The following FRMD4B variants were observed in gnomAD, a reference collection of about 807,000 sequenced individuals.
The protein encoded by FRMD4B is FERM domain containing 4B.
In FRMD4B, 74 loss-of-function variants were observed where a neutral mutation model predicts 141.5. The ratio of observed to expected loss-of-function variants is 0.52; its 90% confidence interval spans 0.43 to 0.63. FRMD4B has a LOEUF of 0.63. FRMD4B is among the 30% of genes least tolerant of loss of function. The pLI, the probability that FRMD4B is intolerant of heterozygous loss-of-function variation, is 0.00. For synonymous variants in FRMD4B, 506 were observed against 467.9 expected (o/e 1.08, Z -1.05); for missense variants, 1,366 against 1,253.4 (o/e 1.09, Z -1.36).
Position 69,182,589 on chromosome 3 carries a change from C to T in FRMD4B, c.2039+9G>A, listed in dbSNP as rs541936278. 3.1e-5 allele frequency: 49 copies of T among 1,592,610 alleles called. No homozygotes were observed. The highest frequency in any genetic ancestry group is 3.8e-5 in the Non-Finnish European group (45 of 1,173,258). ...GACAGCTAAAGCAATGAGAAAGAAGCTCTCTTACTCCAAGTGGCTGCTGCT... is the reference window on the plus strand; with the variant it reads ...GACAGCTAAAGCAATGAGAAAGAAGTTCTCTTACTCCAAGTGGCTGCTGCT... On this transcript the variant is annotated intron_variant, in intron 20 of 22. Transcript: ENST00000398540.
intron 1 of FRMD4B, among the ~76,000 whole-genome samples, chr3:69,346,499 C>T (rs537162151): frequency 4.6e-5 from 7 of 152,110 alleles, no homozygotes; most frequent in African/African-American, 1.4e-4. Flanking sequence ...AGATACTCCT[C>T]GAGAAGAGCA....
chr3:69,532,853 C>T (rs17006073), intron 1 of FRMD4B, among the ~76,000 whole-genome samples: 2,839 of 152,330 alleles, frequency 0.019, 99 homozygotes, highest in African/African-American at 0.064. Context: ...CTGACACTGT[C>T]GGCTGTTATA....
chr3:69,181,651 T>C lies in FRMD4B; in HGVS notation c.2099A>G (p.His700Arg). ...QRSGSLESQSHLLSEMDSDKP... is the reference protein window; with the variant it reads ...QRSGSLESQSRLLSEMDSDKP... ...ATCGCTGTCCATCTCGGAGAGCAGG[T>C]GGGACTGGGACTCCAGGCTTCCACT... is the stretch of plus-strand genomic sequence containing the variant. Residue 700 changes from histidine to arginine, a missense_variant, in exon 21 of 23, where the codon CAC becomes CGC. Coordinates refer to ENST00000398540, the MANE Select transcript of FRMD4B (RefSeq NM_015123.3). 1 of 1,613,588 alleles carries C rather than the reference T, an allele frequency of 6.2e-7. No individual in the cohort carries two copies. The highest frequency in any genetic ancestry group is 1.3e-5 in the African/African-American group (1 of 75,022).
intron 1 of FRMD4B, among the ~76,000 whole-genome samples, chr3:69,514,892 C>T (rs1192903069): frequency 1.3e-5 from 2 of 151,970 alleles, no homozygotes; most frequent in African/African-American, 2.4e-5. Flanking sequence ...TCTCAAGGGA[C>T]ACTGAATAGC....
At chr3:69,450,459 A>C (rs1253580104) in intron 1 of FRMD4B, among the ~76,000 whole-genome samples, 2 of 152,102 alleles carry the variant, frequency 1.3e-5, no homozygotes, top group Admixed American at 1.3e-4. Flanking sequence ...TGTCTCAAAA[A>C]AAAACAAAAT....
intron 7 of FRMD4B, among the ~76,000 whole-genome samples, chr3:69,241,873 A>C (rs1386489101): frequency 1.1e-5 from 1 of 88,060 alleles, no homozygotes; most frequent in Non-Finnish European, 2.4e-5. Context: ...CATCTCAAAA[A>C]AACAAAACAA....
At chr3:69,200,775 C>T (rs1181745379) in intron 11 of FRMD4B, 2 of 867,910 alleles carry the variant, frequency 2.3e-6, no homozygotes, top group Non-Finnish European at 3.3e-6. Context: ...TCACCGGAGG[C>T]TGTTTTAGGA....
At chr3:69,366,191 C>T (rs997407207) in intron 1 of FRMD4B, among the ~76,000 whole-genome samples, 5 of 150,980 alleles carry the variant, frequency 3.3e-5, no homozygotes, top group Non-Finnish European at 7.4e-5. Context: ...ACCCAGGAGG[C>T]GGAGGTTGCA....
At position 69,385,838 on chromosome 3, in the gene FRMD4B, T is replaced by C. The variant is rs749157775; in HGVS notation, c.152A>G (p.Asp51Gly). The C allele has an allele frequency of 2.8e-5, 44 of 1,584,934 alleles. No individual in the cohort carries two copies. Among genetic ancestry groups the C allele is most frequent in the Non-Finnish European group, 3.6e-5 (42 of 1,166,032 alleles). ...CGCGCTCCAGCTCACCTGGTACACG[T>C]CCTGCAGCCCGCACCACGTCCGCAG... ...QVLRTWCGLQDVYQMTEGRHC... is the reference protein window; with the variant it reads ...QVLRTWCGLQGVYQMTEGRHC... The change falls in exon 1 of 23, where the codon GAC becomes GGC. Residue 51 changes from aspartate to glycine, a missense_variant. By Grantham distance (94) the Asp-to-Gly change is moderately conservative (BLOSUM62 -1). Coordinates refer to ENST00000398540, the MANE Select transcript of FRMD4B (RefSeq NM_015123.3).
chr3:69,277,559 T>C (rs1322502145), intron 5 of FRMD4B, among the ~76,000 whole-genome samples: 1 of 131,438 alleles, frequency 7.6e-6, no homozygotes, highest in Non-Finnish European at 1.6e-5. Context: ...GGAGTGTTGT[T>C]GTCGCCAGGC....
chr3:69,232,022 G>A (rs1432613406), intron 7 of FRMD4B, among the ~76,000 whole-genome samples: 4 of 152,118 alleles, frequency 2.6e-5, no homozygotes, highest in Non-Finnish European at 4.4e-5. Context: ...CTCCCTGGCC[G>A]GCTGGGCAGG....
chr3:69,298,131 T>C (rs1701091325), intron 4 of FRMD4B, among the ~76,000 whole-genome samples: 1 of 152,230 alleles, frequency 6.6e-6, no homozygotes, highest in Admixed American at 6.5e-5. Flanking sequence ...ACTTTTCAAA[T>C]AGCCTAGGGC....
intron 17 of FRMD4B, among the ~76,000 whole-genome samples, chr3:69,192,269 G>A (rs1477626295): frequency 6.6e-6 from 1 of 152,028 alleles, no homozygotes; most frequent in African/African-American, 2.4e-5. Flanking sequence ...CCAGCTGCTA[G>A]GGAGGCTGAG....
intron 1 of FRMD4B, among the ~76,000 whole-genome samples, chr3:69,437,867 T>C (rs1326221158): frequency 7.6e-6 from 1 of 131,710 alleles, no homozygotes; most frequent in Non-Finnish European, 1.5e-5. Flanking sequence ...ATATATGTAG[T>C]ATATATGTAG....
intron 12 of FRMD4B, among the ~76,000 whole-genome samples, chr3:69,197,281 T>C (rs2092917988): frequency 6.6e-6 from 1 of 152,154 alleles, no homozygotes; most frequent in South Asian, 2.1e-4. Flanking sequence ...ACTCAAAAGC[T>C]GATAAAGAAT....
intron 9 of FRMD4B, among the ~76,000 whole-genome samples, chr3:69,221,021 G>T (rs1021043303): frequency 2.6e-5 from 4 of 151,312 alleles, no homozygotes; most frequent in African/African-American, 9.7e-5. Context: ...GGAGTGCAAT[G>T]GTGCAATCAC....
rs545218783 is a variant in FRMD4B, at chr3:69,208,687, C to T, written c.876+7576G>A. On this transcript the variant is annotated intron_variant, in intron 11 of 22. Coordinates refer to ENST00000398540, the MANE Select transcript of FRMD4B (RefSeq NM_015123.3). ...CCTGCATCCCATTACTGTCCCCCAT[C>T]TCATTTGTTTCCATCAAAGATAATT... Among the ~76,000 whole-genome samples the T allele has an allele frequency of 1.2e-4, 19 of 152,320 alleles. 1 individual carries two copies. Among genetic ancestry groups the T allele is most frequent in the East Asian group, 1.2e-3 (6 of 5,190 alleles).
chr3:69,222,489 A>G (rs1278106410), intron 8 of FRMD4B, among the ~76,000 whole-genome samples: 2 of 133,776 alleles, frequency 1.5e-5, no homozygotes, highest in African/African-American at 2.7e-5. Context: ...AAAAAAAAAG[A>G]CTTAAAGCGC....
chr3:69,530,638 C>T (rs1167662485), intron 1 of FRMD4B, among the ~76,000 whole-genome samples: 2 of 152,068 alleles, frequency 1.3e-5, no homozygotes, highest in Non-Finnish European at 2.9e-5. Flanking sequence ...TAGTATCTGG[C>T]CCTCCACAGA....
Sources: allele counts gnomAD v4.1 joint callset (sites outside exome capture counted in the v4.1 genomes callset), GRCh38; gene constraint gnomAD v4.1.1; transcripts MANE v1.5; gene names NCBI Gene and HGNC (gene_info 2026-07-23, HGNC 2026-07-21).